Variants in MAP2K1 observed in about 807,000 individuals in gnomAD.
The protein encoded by MAP2K1 is mitogen-activated protein kinase kinase 1, also known as dual specificity mitogen-activated protein kinase kinase 1.
In MAP2K1, 16 loss-of-function variants were observed where a neutral mutation model predicts 46.3. The ratio of observed to expected loss-of-function variants is 0.35; its 90% CI spans 0.23 to 0.52. The LOEUF (loss-of-function observed/expected upper bound fraction) is 0.52, where lower values mean the gene tolerates loss of function less well. MAP2K1 is among the 20% of genes least tolerant of loss of function. MAP2K1 has a pLI of 0.94. For missense variants in MAP2K1, 263 were observed against 497.1 expected, an observed-to-expected ratio of 0.53 and a Z score of 4.48; for synonymous variants, 183 against 185.6, an observed-to-expected ratio of 0.99 and a Z score of 0.11.
intron 10 of MAP2K1, 131 bp from the exon 11 acceptor site, chr15:66,490,371 G>T (rs754481738): frequency 2.6e-6 from 2 of 770,726 alleles, no homozygotes; most frequent in East Asian, 4.9e-5. Flanking sequence ...TGTTGCTCAG[G>T]GGCAGGTGCC....
chr15:66,434,798 A>G (rs2093483289), intron 1 of MAP2K1, among the ~76,000 whole-genome samples: 2 of 152,248 alleles, frequency 1.3e-5, no homozygotes, highest in South Asian at 2.1e-4. Context: ...TTTTCACTTT[A>G]TAAATGAGGA....
chr15:66,463,954 C>T lies in MAP2K1; in HGVS notation c.569-17801C>T, dbSNP rs531331366. On this transcript the variant is annotated intron_variant, in intron 5 of 10. Transcript: ENST00000307102. ...TTTCTTTTGAGTTTCTGATTAGCCT[C>T]TCCAGAGGAGGCAGTCAGATATGCA... Among the ~76,000 whole-genome samples, 48 of 152,308 alleles carry T rather than the reference C, an allele frequency of 3.2e-4. No homozygotes were observed. In the Middle Eastern group the frequency reaches 0.027, roughly 86 times the overall value.
chr15:66,420,813 A>ATATG (rs2093438210), intron 1 of MAP2K1, among the ~76,000 whole-genome samples: 3 of 106,342 alleles, frequency 2.8e-5, no homozygotes, highest in African/African-American at 9.5e-5. Flanking sequence ...GTGTATATAT[A>ATATG]TGTGTATATA....
chr15:66,430,813 T>C (rs550156482), intron 1 of MAP2K1, among the ~76,000 whole-genome samples: 82 of 152,334 alleles, frequency 5.4e-4, no homozygotes, highest in African/African-American at 1.9e-3. Flanking sequence ...ATGGGTGAGA[T>C]GAAAGGAAGG....
chr15:66,477,419 G>A (rs1892778748), intron 5 of MAP2K1, among the ~76,000 whole-genome samples: 1 of 152,200 alleles, frequency 6.6e-6, no homozygotes, highest in African/African-American at 2.4e-5. Flanking sequence ...GCCGATCTTG[G>A]AGGGCAGCCT....
At chr15:66,388,455 G>A (rs80170598) in intron 1 of MAP2K1, among the ~76,000 whole-genome samples, 2,994 of 152,272 alleles carry the variant, frequency 0.02, 57 homozygotes, top group Non-Finnish European at 0.032. Context: ...CAGACTTTAG[G>A]AAGCTAATTG....
At chr15:66,429,686 C>CT (rs1368420944) in intron 1 of MAP2K1, among the ~76,000 whole-genome samples, 3 of 133,856 alleles carry the variant, frequency 2.2e-5, no homozygotes, top group Non-Finnish European at 4.9e-5. Flanking sequence ...CCCGTCCCCC[C>CT]CAACACAGAT....
chr15:66,472,814 C>T (rs1333377852), intron 5 of MAP2K1, among the ~76,000 whole-genome samples: 1 of 152,146 alleles, frequency 6.6e-6, no homozygotes, highest in Non-Finnish European at 1.5e-5. Flanking sequence ...GACCCAGGCA[C>T]AAATGGGGAG....
intron 5 of MAP2K1, among the ~76,000 whole-genome samples, chr15:66,470,079 C>T (rs1892585848): frequency 7.2e-6 from 1 of 139,432 alleles, no homozygotes; most frequent in Non-Finnish European, 1.5e-5. Flanking sequence ...CTCCACCATG[C>T]CACTTTTTTT....
At chr15:66,393,824 G>T (rs1043469196) in intron 1 of MAP2K1, among the ~76,000 whole-genome samples, 1 of 152,242 alleles carries the variant, frequency 6.6e-6, no homozygotes, top group African/African-American at 2.4e-5. Context: ...CTCAAATACC[G>T]TATGACTTGC....
At chr15:66,461,020 T>C (rs925994307) in intron 5 of MAP2K1, among the ~76,000 whole-genome samples, 4 of 152,246 alleles carry the variant, frequency 2.6e-5, no homozygotes, top group African/African-American at 7.2e-5. Context: ...AATGGAAACC[T>C]GAGGCTGGGG....
At chr15:66,474,614 T>A (rs1024746652) in intron 5 of MAP2K1, among the ~76,000 whole-genome samples, 1 of 152,152 alleles carries the variant, frequency 6.6e-6, no homozygotes, top group Non-Finnish European at 1.5e-5. Context: ...CCTTTAGTCC[T>A]GTTGTCTGGG....
chr15:66,433,558 T>C (rs76568819), intron 1 of MAP2K1, among the ~76,000 whole-genome samples: 2,391 of 152,254 alleles, frequency 0.016, 64 homozygotes, highest in African/African-American at 0.055. Context: ...ATGCATGATG[T>C]TATTTGTAAG....
intron 1 of MAP2K1, among the ~76,000 whole-genome samples, chr15:66,424,305 G>T (rs2093451501): frequency 6.6e-6 from 1 of 151,936 alleles, no homozygotes; most frequent in Non-Finnish European, 1.5e-5. Flanking sequence ...TGATCTGCCT[G>T]CCTCGGCCTC....
chr15:66,468,763 T>C (rs1892532819), intron 5 of MAP2K1, among the ~76,000 whole-genome samples: 2 of 151,332 alleles, frequency 1.3e-5, no homozygotes, highest in Non-Finnish European at 2.9e-5. Context: ...AAACCCCATC[T>C]CTACTAAAAA....
chr15:66,457,514 G>C (rs1892196082), intron 5 of MAP2K1, among the ~76,000 whole-genome samples: 1 of 152,152 alleles, frequency 6.6e-6, no homozygotes, highest in Admixed American at 6.5e-5. Flanking sequence ...TGCTATAATG[G>C]TAAATTTGAG....
chr15:66,463,043 C>T (rs1892368941), intron 5 of MAP2K1, among the ~76,000 whole-genome samples: 1 of 152,186 alleles, frequency 6.6e-6, no homozygotes, highest in African/African-American at 2.4e-5. Flanking sequence ...AAGTCCATCC[C>T]AGACACAGCC....
chr15:66,420,706 C>CAT (rs752935675), intron 1 of MAP2K1, among the ~76,000 whole-genome samples: 242 of 20,404 alleles, frequency 0.012, 42 homozygotes, highest in African/African-American at 0.022. Context: ...TTACTCTTGG[C>CAT]ATATATATAT....
intron 5 of MAP2K1, among the ~76,000 whole-genome samples, chr15:66,480,406 C>T (rs565329535): frequency 6.6e-5 from 10 of 152,034 alleles, no homozygotes; most frequent in South Asian, 6.2e-4. Context: ...TCAATTTGTC[C>T]TTGGAAAGAT....
Sources: allele counts gnomAD v4.1 joint callset (sites outside exome capture counted in the v4.1 genomes callset), GRCh38; gene constraint gnomAD v4.1.1; transcripts MANE v1.5; gene names NCBI Gene and HGNC (gene_info 2026-07-23, HGNC 2026-07-21).